CSDC2: variants seen among roughly 807,000 people sequenced by gnomAD.
CSDC2 encodes cold shock domain-containing protein C2.
Under a neutral mutation model 15.8 loss-of-function variants are expected in CSDC2, and 8 were observed. The observed-to-expected ratio is 0.51, with a 90% CI of 0.30 to 0.92. The LOEUF is 0.92. CSDC2 is among the 40% of genes least tolerant of loss of function. The pLI, the probability that CSDC2 is intolerant of heterozygous loss-of-function variation, is 0.07. For synonymous variants in CSDC2, 96 were observed against 92.3 expected, an observed-to-expected ratio of 1.04 and a Z score of -0.23; for missense variants, 195 against 213.3, an observed-to-expected ratio of 0.91 and a Z score of 0.53.
At chr22:41,571,234 A>G (rs1317883490) in intron 1 of CSDC2, among the ~76,000 whole-genome samples, 3 of 151,984 alleles carry the variant, frequency 2.0e-5, no homozygotes, top group Non-Finnish European at 4.4e-5. Context: ...GGCGCCTGTA[A>G]TCCCAGCTAC....
At chr22:41,568,121 T>C (rs2067125708) in intron 1 of CSDC2, among the ~76,000 whole-genome samples, 1 of 102,318 alleles carries the variant, frequency 9.8e-6, no homozygotes, top group African/African-American at 4.1e-5. Flanking sequence ...GTCTTTTTTT[T>C]CTCTCTCCCT....
intron 1 of CSDC2, among the ~76,000 whole-genome samples, chr22:41,565,039 G>A (rs897579343): frequency 3.9e-5 from 6 of 152,084 alleles, no homozygotes; most frequent in South Asian, 2.1e-4. Flanking sequence ...GGTGGTGAGC[G>A]TCTGTGATCC....
chr22:41,573,889 T>G (rs1601999262), intron 3 of CSDC2, 112 bp downstream of exon 3: 1 of 1,361,820 alleles, frequency 7.3e-7, no homozygotes, highest in Non-Finnish European at 1.0e-6. Flanking sequence ...GTATTCATGG[T>G]GCCTTTTCTG....
At chr22:41,566,522 T>C (rs552918669) in intron 1 of CSDC2, among the ~76,000 whole-genome samples, 1 of 147,426 alleles carries the variant, frequency 6.8e-6, no homozygotes, top group East Asian at 2.0e-4. Context: ...AGCCAGCTAC[T>C]TGGGAGTTTG....
At chr22:41,573,197 T>C (rs979739278) in intron 2 of CSDC2, among the ~76,000 whole-genome samples, 3 of 151,992 alleles carry the variant, frequency 2.0e-5, no homozygotes, top group African/African-American at 7.2e-5. Flanking sequence ...CTACTAAAAA[T>C]GCCAAAACTT....
chr22:41,571,986 A>G lies in CSDC2; in HGVS notation c.21A>G (p.Ser7=). 1 of 1,354,098 alleles carries G rather than the reference A, an allele frequency of 7.4e-7. No individual in the cohort carries two copies. Among genetic ancestry groups the G allele is most frequent in the Non-Finnish European group, 9.5e-7 (1 of 1,051,298 alleles). The allele number at this position is 1,354,098 out of a possible 1,614,324, so 83.9% of individuals were successfully genotyped here. A position where few individuals can be genotyped will look rare whatever the true frequency, so the allele number is the denominator to read the frequency against. Residue 7 remains serine, a synonymous_variant, in exon 2 of 4, where the codon TCA becomes TCG. Transcript: ENST00000306149. MTSEST[S]PPVVPPLHSP... is the part of the protein sequence containing the mutation. Reference sequence around the variant, plus strand: ...CCACCATGACTTCAGAGTCGACGTCACCCCCAGTTGTGCCCCCGCTCCACT... The same window carrying G: ...CCACCATGACTTCAGAGTCGACGTCGCCCCCAGTTGTGCCCCCGCTCCACT...
At chr22:41,564,439 T>A (rs1426400038) in intron 1 of CSDC2, among the ~76,000 whole-genome samples, 1 of 151,880 alleles carries the variant, frequency 6.6e-6, no homozygotes, top group Non-Finnish European at 1.5e-5. Flanking sequence ...TTTTTGTATT[T>A]TTAGCAGAGA....
chr22:41,566,877 A>G (rs1288666455), intron 1 of CSDC2, among the ~76,000 whole-genome samples: 2 of 151,394 alleles, frequency 1.3e-5, no homozygotes, highest in African/African-American at 4.9e-5. Flanking sequence ...CAGTGAGCCA[A>G]GATCGCGCCA....
In CSDC2 at chr22:41,573,735, C is replaced by G; in HGVS notation, c.257C>G (p.Thr86Ser). ...FSRSQGHGFI[T>S]PENGSEDIFV... ...CGCTCACAGGGCCATGGCTTCATCA[C>G]CCCCGAGAACGGGTCCGAGGACATC... The change falls in exon 3 of 4, where the codon ACC (threonine) becomes AGC (serine). Residue 86 changes from threonine (T) to serine (S), a missense_variant. Transcript: ENST00000306149. The G allele has an allele frequency of 1.2e-6, 2 of 1,613,858 alleles. No individual in the cohort carries two copies. The highest frequency in any genetic ancestry group is 1.7e-6 in the Non-Finnish European group (2 of 1,179,898).
chr22:41,569,025 T>G (rs925713922), intron 1 of CSDC2, among the ~76,000 whole-genome samples: 3 of 152,212 alleles, frequency 2.0e-5, no homozygotes, highest in African/African-American at 7.2e-5. Flanking sequence ...TGCCCCTCCA[T>G]GGCCTCCCAG....
chr22:41,566,926 CAAAA>C (rs573857754), intron 1 of CSDC2, among the ~76,000 whole-genome samples: 3 of 65,038 alleles, frequency 4.6e-5, no homozygotes, highest in Admixed American at 1.8e-4. Context: ...TCCTCCGTCT[CAAAA>C]AAAAAAAAAA....
At chr22:41,573,866 C>A (rs949482640) in intron 3 of CSDC2, 89 bp downstream of exon 3, 7 of 1,479,152 alleles carry the variant, frequency 4.7e-6, no homozygotes, top group Non-Finnish European at 4.6e-6. Context: ...TCTCCTCTCA[C>A]TGGCTGAGGT....
chr22:41,574,639 G>C, intron 3 of CSDC2, 94 bp from the exon 4 acceptor site: 1 of 1,466,466 alleles, frequency 6.8e-7, no homozygotes, highest in Non-Finnish European at 9.2e-7. Flanking sequence ...GGCCTAGGGA[G>C]GCTTAGGGCC....
chr22:41,575,231 C>T lies in CSDC2; in HGVS notation c.*336C>T, dbSNP rs1364837844. 1.1e-5 allele frequency: 4 copies of T among 362,274 alleles called. No individual in the cohort carries two copies. The highest frequency in any genetic ancestry group is 6.3e-5 in the South Asian group (2 of 31,616). The allele number at this position is 362,274 out of a possible 1,614,324, so 22.4% of individuals were successfully genotyped here. ...ACCCGTCCCCACGGTGACTGAGCTG[C>T]GAGAGCCTGCGCTGGGCTCACTCCC... On this transcript the variant is annotated 3_prime_UTR_variant, in exon 4 of 4. Coordinates refer to ENST00000306149, the MANE Select transcript of CSDC2 (RefSeq NM_014460.4).
intron 1 of CSDC2, among the ~76,000 whole-genome samples, chr22:41,566,281 T>C (rs2067113674): frequency 1.3e-5 from 2 of 150,700 alleles, no homozygotes; most frequent in Non-Finnish European, 3.0e-5. Context: ...TTGTCTGTAC[T>C]AAAATACAAA....
chr22:41,562,406 C>CAGAAAAAA (rs1555895951), intron 1 of CSDC2, among the ~76,000 whole-genome samples: 1 of 132,016 alleles, frequency 7.6e-6, no homozygotes, highest in Non-Finnish European at 1.6e-5. Flanking sequence ...TCACCCCCTT[C>CAGAAAAAA]AAAAAAAAAA....
intron 2 of CSDC2, among the ~76,000 whole-genome samples, chr22:41,572,378 ACCCACCCAC>A (rs2067150832): frequency 1.9e-5 from 1 of 52,972 alleles, no homozygotes; most frequent in Non-Finnish European, 3.7e-5. Context: ...CCACCCACCC[ACCCACCCAC>A]CCATCCATCC....
rs549395399 is a variant in CSDC2 at position 41,576,173 on chromosome 22, G to A, written c.*1278G>A. Reference sequence around the variant, plus strand: ...GAGACTCAGTCTGTGAGTAAAACTGGGGGCTCAAATGCCCAGGATGAGGGG... The same window carrying A: ...GAGACTCAGTCTGTGAGTAAAACTGAGGGCTCAAATGCCCAGGATGAGGGG... On this transcript the variant is annotated 3_prime_UTR_variant, in exon 4 of 4. Coordinates refer to ENST00000306149, the MANE Select transcript of CSDC2 (RefSeq NM_014460.4). The A allele has an allele frequency of 6.6e-6, 1 of 152,364 alleles. No homozygotes were observed. Among genetic ancestry groups the A allele is most frequent in the South Asian group, 2.1e-4 (1 of 4,826 alleles). 9.4% of individuals were successfully genotyped at this position (152,364 alleles called of 1,614,324 possible). A position where few individuals can be genotyped will look rare whatever the true frequency, so the allele number is the denominator to read the frequency against.
chr22:41,572,638 G>T (rs2067153745), intron 2 of CSDC2, among the ~76,000 whole-genome samples: 1 of 152,154 alleles, frequency 6.6e-6, no homozygotes, highest in Non-Finnish European at 1.5e-5. Context: ...AGGGTTAGGG[G>T]TGAGGACCCA....
Sources: allele counts gnomAD v4.1 joint callset (sites outside exome capture counted in the v4.1 genomes callset), GRCh38; gene constraint gnomAD v4.1.1; transcripts MANE v1.5; gene names NCBI Gene and HGNC (gene_info 2026-07-23, HGNC 2026-07-21).